Variants in STK3 observed in about 807,000 individuals in gnomAD.
STK3 encodes the protein serine/threonine-protein kinase 3.
A neutral mutation model predicts 58.0 loss-of-function variants in STK3; 41 were observed. The ratio of observed to expected loss-of-function variants is 0.71; its 90% CI spans 0.55 to 0.92. The LOEUF (loss-of-function observed/expected upper bound fraction) is 0.92, where lower values mean the gene tolerates loss of function less well. Among genes scored for constraint, STK3 ranks in the 40% least tolerant of loss-of-function variants. STK3 has a pLI of 0.00. For missense variants in STK3, 479 were observed against 602.7 expected (o/e 0.79, Z 2.15); for synonymous variants, 170 against 191.0 (o/e 0.89, Z 0.91).
chr8:98,658,412 T>C (rs936381122), intron 6 of STK3, among the ~76,000 whole-genome samples: 2 of 152,028 alleles, frequency 1.3e-5, no homozygotes, highest in African/African-American at 4.8e-5. Flanking sequence ...ACAAAGTTGC[T>C]CAGCAACAAC....
intron 4 of STK3, among the ~76,000 whole-genome samples, chr8:98,741,242 G>T (rs1199336973): frequency 6.6e-6 from 1 of 152,170 alleles, no homozygotes; most frequent in Non-Finnish European, 1.5e-5. Flanking sequence ...GTACCAAGTG[G>T]ACCTAATAGA....
At chr8:98,825,866 CCGCCCCCGGCCGCGCCG>C (rs1453842254), upstream of STK3, among the ~76,000 whole-genome samples, 1 of 48,196 alleles carries the variant, frequency 2.1e-5, no homozygotes, top group African/African-American at 9.6e-5. Flanking sequence ...CCGCCCCGCC[CCGCCCCCGGCCGCGCCG>C]GCCGCCAGCC....
At chr8:98,472,671 A>G (rs1210175468) in intron 10 of STK3, among the ~76,000 whole-genome samples, 1 of 152,192 alleles carries the variant, frequency 6.6e-6, no homozygotes, top group African/African-American at 2.4e-5. Flanking sequence ...AAGATGTTCC[A>G]AATGACTGAA....
chr8:98,390,820 G>C (rs951465107), upstream of STK3, among the ~76,000 whole-genome samples: 7 of 152,092 alleles, frequency 4.6e-5, no homozygotes, highest in Middle Eastern at 3.2e-3. Context: ...AGTTTTGCTA[G>C]TGAGTCCATC....
At position 98,609,797 on chromosome 8, in the gene STK3, A is replaced by G. The variant is rs1817049943; in HGVS notation, c.685-13628T>C. 2.0e-5 allele frequency among the ~76,000 whole-genome samples: 3 copies of G among 152,118 alleles called. No individual in the cohort carries two copies. The South Asian group carries it at 6.2e-4, about 32-fold the overall frequency. ...AACACAGTGAAACCCCGTCTCTACT[A>G]AAAATACAAAAAATTAACTGGGCGT... On this transcript the variant is annotated intron_variant, in intron 6 of 10. Coordinates refer to ENST00000419617, the MANE Select transcript of STK3 (RefSeq NM_006281.4).
chr8:98,905,172 T>G (rs1838842434), intron 1 of STK3: 2 of 1,180,088 alleles, frequency 1.7e-6, no homozygotes, highest in Admixed American at 3.4e-5. Flanking sequence ...TTTCTTACAC[T>G]GATAGCAGCC....
intron 3 of STK3, among the ~76,000 whole-genome samples, chr8:98,843,242 T>C (rs1470463122): frequency 6.6e-6 from 1 of 152,196 alleles, no homozygotes; most frequent in Non-Finnish European, 1.5e-5. Context: ...TCTATAACTC[T>C]GCATCAGTTA....
At chr8:98,425,347 AC>A (rs1322815039) in intron 3 of STK3, among the ~76,000 whole-genome samples, 5 of 152,048 alleles carry the variant, frequency 3.3e-5, no homozygotes, top group African/African-American at 4.8e-5. Flanking sequence ...ACACACACAC[AC>A]ACACAAACAC....
intron 3 of STK3, among the ~76,000 whole-genome samples, chr8:98,843,283 C>G (rs1023370845): frequency 6.6e-6 from 1 of 152,102 alleles, no homozygotes; most frequent in Non-Finnish European, 1.5e-5. Context: ...AATTGATGAT[C>G]CAGCCCAAAC....
chr8:98,710,541 C>A (rs1489394222), intron 4 of STK3, among the ~76,000 whole-genome samples: 3 of 152,232 alleles, frequency 2.0e-5, no homozygotes, highest in Admixed American at 6.5e-5. Flanking sequence ...GCCTCGCTCA[C>A]TGCTAGCACA....
At chr8:98,503,610 C>T (rs776011620) in intron 10 of STK3, among the ~76,000 whole-genome samples, 32 of 152,148 alleles carry the variant, frequency 2.1e-4, no homozygotes, top group Non-Finnish European at 4.1e-4. Context: ...TGTCTTTGTT[C>T]TCATTGGTTT....
At chr8:98,447,592 T>C (rs1220579978) in intron 1 of STK3, among the ~76,000 whole-genome samples, 1 of 147,380 alleles carries the variant, frequency 6.8e-6, no homozygotes, top group Non-Finnish European at 1.5e-5. Context: ...CTATATATAG[T>C]ATCTATATAT....
At chr8:98,939,403 C>T (rs1840315161) in intron 1 of STK3, among the ~76,000 whole-genome samples, 1 of 152,194 alleles carries the variant, frequency 6.6e-6, no homozygotes, top group Non-Finnish European at 1.5e-5. Context: ...TAGGTGAGGC[C>T]AGAGAGTTTG....
chr8:98,460,904 G>C (rs556777820), intron 10 of STK3, among the ~76,000 whole-genome samples: 6 of 152,270 alleles, frequency 3.9e-5, no homozygotes, highest in African/African-American at 9.6e-5. Flanking sequence ...ACTTGTTTTA[G>C]GCCTATCATA....
chr8:98,691,500 G>A (rs1386354920), intron 6 of STK3, among the ~76,000 whole-genome samples: 1 of 152,084 alleles, frequency 6.6e-6, no homozygotes, highest in Non-Finnish European at 1.5e-5. Flanking sequence ...TAATTGGGGT[G>A]GAGAAAGTGA....
chr8:98,706,255 A>G (rs1248344481), intron 6 of STK3, among the ~76,000 whole-genome samples: 2 of 152,240 alleles, frequency 1.3e-5, no homozygotes, highest in Non-Finnish European at 2.9e-5. Flanking sequence ...CAGTGATGGT[A>G]GAGATATACA....
intron 1 of STK3, among the ~76,000 whole-genome samples, chr8:98,938,402 C>T: frequency 6.6e-6 from 1 of 152,162 alleles, no homozygotes; most frequent in East Asian, 1.9e-4. Context: ...CTAGAAAGTG[C>T]CAGTGTCATT....
At chr8:98,436,186 T>C (rs940931542) in intron 2 of STK3, among the ~76,000 whole-genome samples, 2 of 152,054 alleles carry the variant, frequency 1.3e-5, no homozygotes, top group Admixed American at 1.3e-4. Flanking sequence ...GCTCTGCTTT[T>C]CCCTCCCATC....
At chr8:98,703,861 T>C (rs1272508138) in intron 6 of STK3, among the ~76,000 whole-genome samples, 6 of 152,190 alleles carry the variant, frequency 3.9e-5, no homozygotes, top group Non-Finnish European at 8.8e-5. Context: ...ACAATTTTTC[T>C]CTCTTGGACA....
Sources: allele counts gnomAD v4.1 joint callset (sites outside exome capture counted in the v4.1 genomes callset), GRCh38; gene constraint gnomAD v4.1.1; transcripts MANE v1.5; gene names NCBI Gene and HGNC (gene_info 2026-07-23, HGNC 2026-07-21).